Variants in PALM2AKAP2 observed in about 807,000 individuals in gnomAD.
PALM2AKAP2 encodes the protein PALM2 and AKAP2 fusion.
Under a neutral mutation model 71.5 loss-of-function variants are expected in PALM2AKAP2, and 37 were observed. That is an observed-to-expected ratio of 0.52 (90% confidence interval 0.40 to 0.68). The LOEUF (loss-of-function observed/expected upper bound fraction) is 0.68. PALM2AKAP2 is among the 30% of genes least tolerant of loss of function. PALM2AKAP2 has a pLI of 0.00. For synonymous variants in PALM2AKAP2, 468 were observed against 478.8 expected (o/e 0.98, Z 0.29); for missense variants, 1,224 against 1,191.8 (o/e 1.03, Z -0.40).
At chr9:109,700,565 T>A (rs1184493544) in intron 1 of PALM2AKAP2, among the ~76,000 whole-genome samples, 1 of 152,224 alleles carries the variant, frequency 6.6e-6, no homozygotes, top group East Asian at 1.9e-4. Context: ...TTTAATGATT[T>A]CTTATGTCCT....
chr9:110,056,865 T>C (rs921597608), intron 1 of PALM2AKAP2, among the ~76,000 whole-genome samples: 10 of 152,214 alleles, frequency 6.6e-5, no homozygotes, highest in African/African-American at 2.4e-4. Flanking sequence ...TTTTATGGTA[T>C]GTTTCATTAT....
chr9:110,068,754 A>G (rs1834141818), intron 1 of PALM2AKAP2, among the ~76,000 whole-genome samples: 1 of 152,194 alleles, frequency 6.6e-6, no homozygotes, highest in South Asian at 2.1e-4. Flanking sequence ...ACTGGTCTCG[A>G]ACTCCTGGCC....
At chr9:110,011,101 A>G (rs540419482) in intron 6 of PALM2AKAP2, among the ~76,000 whole-genome samples, 61 of 144,868 alleles carry the variant, frequency 4.2e-4, no homozygotes, top group African/African-American at 1.5e-3. Flanking sequence ...TTCTCTATAT[A>G]TTCCATATAT....
chr9:110,145,346 T>C (rs747986665), intron 2 of PALM2AKAP2, among the ~76,000 whole-genome samples: 2 of 152,196 alleles, frequency 1.3e-5, no homozygotes, highest in African/African-American at 4.8e-5. Flanking sequence ...ACATCAGCCA[T>C]CTAGCCTAGC....
chr9:109,981,429 G>T (rs1423060756), intron 6 of PALM2AKAP2, among the ~76,000 whole-genome samples: 1 of 152,202 alleles, frequency 6.6e-6, no homozygotes, highest in African/African-American at 2.4e-5. Context: ...AAGCAGCTTT[G>T]AATGGCAGGA....
chr9:110,024,976 A>G (rs1588064784), intron 7 of PALM2AKAP2: 2 of 1,293,458 alleles, frequency 1.5e-6, no homozygotes, highest in East Asian at 4.6e-5. Flanking sequence ...GCAGGCTGGC[A>G]CTTCAGTTGA....
intron 1 of PALM2AKAP2, among the ~76,000 whole-genome samples, chr9:109,704,978 C>G (rs1360916631): frequency 2.0e-5 from 3 of 152,180 alleles, no homozygotes; most frequent in African/African-American, 7.2e-5. Context: ...TCAGCACTCA[C>G]CAGCTGCAGG....
chr9:109,777,184 C>G (rs1375997982), upstream of PALM2AKAP2, among the ~76,000 whole-genome samples: 1 of 152,234 alleles, frequency 6.6e-6, no homozygotes, highest in African/African-American at 2.4e-5. Context: ...CCATCTGATG[C>G]AAATTCACTT....
chr9:109,844,931 A>ATGTGTGTGTG (rs71373945), intron 1 of PALM2AKAP2, among the ~76,000 whole-genome samples: 4,622 of 149,362 alleles, frequency 0.031, 205 homozygotes, highest in African/African-American at 0.099. Context: ...CCAGAAAATG[A>ATGTGTGTGTG]TGTGTGTGTG....
At chr9:109,689,275 T>C (rs570048662) in intron 1 of PALM2AKAP2, among the ~76,000 whole-genome samples, 45 of 150,060 alleles carry the variant, frequency 3.0e-4, no homozygotes, top group African/African-American at 1.1e-3. Context: ...CCATCTCAGC[T>C]CACTGCAACC....
At chr9:109,743,957 T>C (rs1022918853) in intron 1 of PALM2AKAP2, among the ~76,000 whole-genome samples, 2 of 152,194 alleles carry the variant, frequency 1.3e-5, no homozygotes, top group Non-Finnish European at 2.9e-5. Flanking sequence ...TTATCTATGT[T>C]CTATTTGGCC....
intron 1 of PALM2AKAP2, 50 bp downstream of exon 1, chr9:109,780,583 G>A: frequency 6.2e-7 from 1 of 1,612,484 alleles, no homozygotes; most frequent in Non-Finnish European, 8.5e-7. Context: ...GGGGTGGAAG[G>A]GGGCCCCCGA....
chr9:110,010,042 A>G (rs1041260637), intron 6 of PALM2AKAP2, among the ~76,000 whole-genome samples: 1 of 152,254 alleles, frequency 6.6e-6, no homozygotes, highest in Non-Finnish European at 1.5e-5. Context: ...CTGTGCAGCT[A>G]GGTGAGAGGG....
At position 110,157,510 on chromosome 9, in the gene PALM2AKAP2, C is replaced by T. The variant is rs1430312300; in HGVS notation, c.2748+1013C>T. 7.2e-5 allele frequency among the ~76,000 whole-genome samples: 11 copies of T among 152,102 alleles called. No homozygotes were observed. In the East Asian group the frequency reaches 7.7e-4, roughly 11 times the overall value. ...ACCTCCTGGGTTCAGGCAATCCTCC[C>T]GCCTCAGCCTCCTGAATAGCTGGGA... On this transcript the variant is annotated intron_variant, in intron 3 of 3. Coordinates refer to ENST00000374525, the Ensembl canonical transcript of PALM2AKAP2.
At chr9:110,003,794 T>C (rs191260021) in intron 6 of PALM2AKAP2, among the ~76,000 whole-genome samples, 1 of 152,324 alleles carries the variant, frequency 6.6e-6, no homozygotes, top group East Asian at 1.9e-4. Context: ...TGGCCTTCTT[T>C]GTCTCTTTTG....
intron 3 of PALM2AKAP2, among the ~76,000 whole-genome samples, chr9:109,906,240 C>T (rs565222045): frequency 6.6e-6 from 1 of 152,252 alleles, no homozygotes; most frequent in South Asian, 2.1e-4. Context: ...GCTCTGTCAC[C>T]CAGGCTGGAG....
At chr9:109,741,342 G>T (rs1378229793) in intron 1 of PALM2AKAP2, among the ~76,000 whole-genome samples, 1 of 152,170 alleles carries the variant, frequency 6.6e-6, no homozygotes, top group Non-Finnish European at 1.5e-5. Context: ...ATCACCACAA[G>T]TTTATTCATT....
At chr9:110,059,733 G>A (rs1213278494) in intron 1 of PALM2AKAP2, among the ~76,000 whole-genome samples, 1 of 152,126 alleles carries the variant, frequency 6.6e-6, no homozygotes, top group African/African-American at 2.4e-5. Flanking sequence ...GTCTTCCCAG[G>A]AGTGGGAAGC....
chr9:110,136,964 A>G, exon 2 of PALM2AKAP2: 1 of 1,614,170 alleles, frequency 6.2e-7, no homozygotes, highest in Non-Finnish European at 8.5e-7. Context: ...AAAATGGTGG[A>G]ATCCCCCGCA....
Sources: gnomAD v4.1 joint callset for allele counts (sites outside exome capture counted in the v4.1 genomes callset) on GRCh38, gnomAD v4.1.1 for gene constraint, MANE v1.5 for transcripts, NCBI Gene and HGNC (gene_info 2026-07-23, HGNC 2026-07-21) for gene names.